HIBCH: variants seen among roughly 807,000 people sequenced by gnomAD.
HIBCH encodes the protein 3-hydroxyisobutyryl-CoA hydrolase, also known as 3-hydroxyisobutyryl-CoA hydrolase, mitochondrial.
In HIBCH, 50 loss-of-function variants were observed where a neutral mutation model predicts 58.2. The ratio of observed to expected loss-of-function variants is 0.86; its 90% CI spans 0.68 to 1.09. The LOEUF (loss-of-function observed/expected upper bound fraction) is 1.09. Ranked by LOEUF, HIBCH falls within the 50% of genes least tolerant of loss-of-function variation. The pLI, the probability that HIBCH is intolerant of heterozygous loss-of-function variation, is 0.00. For synonymous variants in HIBCH, 151 were observed against 146.9 expected (o/e 1.03, Z -0.20); for missense variants, 450 against 449.7 (o/e 1.00, Z -0.01).
At position 190,236,782 on chromosome 2, in the gene HIBCH, T is replaced by C. The variant is rs1686287877; in HGVS notation, c.891+8105A>G. On this transcript the variant is annotated intron_variant, in intron 11 of 13. Coordinates refer to ENST00000359678, the MANE Select transcript of HIBCH (RefSeq NM_014362.4). This position sits in a 1 kb window ranked among gnomAD's most constrained non-coding sequence, Gnocchi z 4.1. ...GGTAATTTCTTAAAGGCATTAACAA[T>C]TTATATAAAATGAAAAGATACTATC... 6.6e-6 allele frequency among the ~76,000 whole-genome samples: 1 copy of C among 152,184 alleles called. No homozygotes were observed. The highest frequency in any genetic ancestry group is 2.4e-5 in the African/African-American group (1 of 41,458).
intron 6 of HIBCH, among the ~76,000 whole-genome samples, chr2:190,268,526 T>C (rs1216496957): frequency 6.6e-6 from 1 of 152,234 alleles, no homozygotes; most frequent in Non-Finnish European, 1.5e-5. Context: ...AAGACTTTAC[T>C]TTTTAATTAA....
rs1688057773 is a variant in HIBCH at position 190,294,635 on chromosome 2, T to A, written c.220-5A>T. 6.3e-7 allele frequency: 1 copy of A among 1,596,464 alleles called. No individual in the cohort carries two copies. On this transcript the variant is annotated splice_region_variant and splice_polypyrimidine_tract_variant and intron_variant, in intron 3 of 13. Coordinates refer to ENST00000359678, the MANE Select transcript of HIBCH (RefSeq NM_014362.4). The stretch of plus-strand genomic sequence containing the variant: ...TTCAGGATCTTGTTCCCACTTCTAT[T>A]CAAATGTAACAGAAGATGGTATAAG...
At chr2:190,274,684 C>A (rs1283037975) in intron 6 of HIBCH, among the ~76,000 whole-genome samples, 1 of 152,196 alleles carries the variant, frequency 6.6e-6, no homozygotes, top group Non-Finnish European at 1.5e-5. Context: ...AGAAGATTAT[C>A]CAGGGAGAAA....
chr2:190,249,349 C>A (rs1414727473), intron 9 of HIBCH, among the ~76,000 whole-genome samples: 1 of 152,082 alleles, frequency 6.6e-6, no homozygotes, highest in Non-Finnish European at 1.5e-5. Context: ...TAACATTGAA[C>A]ACCGTTTACA....
downstream of HIBCH, chr2:190,200,276 A>G: frequency 1.3e-6 from 1 of 741,378 alleles, no homozygotes. Context: ...TAATGTCACT[A>G]TTATAAGAAC....
intron 6 of HIBCH, among the ~76,000 whole-genome samples, chr2:190,266,945 T>C (rs1240226667): frequency 1.3e-5 from 2 of 151,144 alleles, no homozygotes; most frequent in Non-Finnish European, 2.9e-5. Flanking sequence ...TTAGTAGAGA[T>C]GGGGTTTCAC....
rs375805141 is a variant in HIBCH at position 190,309,354 on chromosome 2, TACC to T, written c.78+1397_78+1399del. 2.7e-4 allele frequency among the ~76,000 whole-genome samples: 41 copies of T among 152,290 alleles called. No individual in the cohort carries two copies. The East Asian group carries it at 6.9e-3, about 26-fold the overall frequency. ...GCTAACCCATGACAAGTACTTACAATACCACCTAGAATACAGTGATATCAGATG... is the reference window on the plus strand; with the variant it reads ...GCTAACCCATGACAAGTACTTACAATACCTAGAATACAGTGATATCAGATG... On this transcript the variant is annotated intron_variant, in intron 2 of 13. Transcript: ENST00000359678.
Position 190,296,929 on chromosome 2 carries a change from C to T in HIBCH, c.103G>A (p.Ala35Thr). The T allele has an allele frequency of 6.2e-7, 1 of 1,614,090 alleles. No individual in the cohort carries two copies. Among genetic ancestry groups the T allele is most frequent in the East Asian group, 2.2e-5 (1 of 44,876 alleles). Residue 35 changes from alanine to threonine, a missense_variant, in exon 3 of 14, where the codon GCA (alanine) becomes ACA (threonine). By Grantham distance (58) the Ala-to-Thr change is moderately conservative (BLOSUM62 0). Transcript: ENST00000359678. The part of the protein sequence containing the change: ...HLRMSKHTDA[A>T]EEVLLEKKGC... ...TTTTTTTCCAATAGCACCTCTTCTGCTGCATCTGTGTGCTTGGACATTCTC... is the reference window on the plus strand; with the variant it reads ...TTTTTTTCCAATAGCACCTCTTCTGTTGCATCTGTGTGCTTGGACATTCTC...
At chr2:190,218,561 A>G (rs1685625137) in intron 11 of HIBCH, among the ~76,000 whole-genome samples, 1 of 152,170 alleles carries the variant, frequency 6.6e-6, no homozygotes, top group African/African-American at 2.4e-5. Flanking sequence ...ATGACCCTTA[A>G]GACACTAACT....
At chr2:190,257,952 A>G (rs948200884) in intron 7 of HIBCH, among the ~76,000 whole-genome samples, 1 of 152,218 alleles carries the variant, frequency 6.6e-6, no homozygotes, top group Admixed American at 6.5e-5. Context: ...CAAAAAAGCA[A>G]TTATGAACAA....
Position 190,213,035 on chromosome 2 carries a change from A to G in HIBCH, c.932T>C (p.Leu311Pro). The G allele has an allele frequency of 6.2e-7, 1 of 1,609,872 alleles. No homozygotes were observed. Among genetic ancestry groups the G allele is most frequent in the Non-Finnish European group, 8.5e-7 (1 of 1,176,312 alleles). ...TGAAGACCCCTCCATGAGTTGCCTT[A>G]GTGTGATCTTTAGAGATGTTGGAGA... is the stretch of plus-strand genomic sequence containing the variant. The part of the protein sequence containing the change: ...KMSPTSLKIT[L>P]RQLMEGSSKT... The change falls in exon 12 of 14, where the codon CTA becomes CCA. Residue 311 changes from leucine (L) to proline (P), a missense_variant. By Grantham distance (98) the Leu-to-Pro change is moderately conservative. Coordinates refer to ENST00000359678, the MANE Select transcript of HIBCH (RefSeq NM_014362.4).
At position 190,216,822 on chromosome 2, in the gene HIBCH, T is replaced by C. The variant is rs2105905501; in HGVS notation, c.892-3747A>G. Among the ~76,000 whole-genome samples the C allele has an allele frequency of 6.6e-6, 1 of 152,194 alleles. No homozygotes were observed. The highest frequency in any genetic ancestry group is 6.5e-5 in the Admixed American group (1 of 15,296). ...AAAGTTCTGTTTCCCAGAGCTTGGC[T>C]GGGCTGGGGGAGGATCCCTGCAGCT... On this transcript the variant is annotated intron_variant, in intron 11 of 13. Transcript: ENST00000359678. The surrounding 1 kb of genome is among the most constrained non-coding windows in gnomAD (Gnocchi z 4.2).
At chr2:190,245,223 A>T in intron 10 of HIBCH, 1 of 404,660 alleles carries the variant, frequency 2.5e-6, no homozygotes, top group East Asian at 5.1e-5. Context: ...GTAAAGAAAC[A>T]ATTCAACAAT....
intron 4 of HIBCH, among the ~76,000 whole-genome samples, chr2:190,292,324 G>A (rs1175578140): frequency 6.6e-6 from 1 of 150,952 alleles, no homozygotes; most frequent in Non-Finnish European, 1.5e-5. Flanking sequence ...GTTTGTTTTT[G>A]AAACGGAGTC....
chr2:190,209,279 T>A lies in HIBCH; in HGVS notation c.1012-366A>T, dbSNP rs1454706537. On this transcript the variant is annotated intron_variant, in intron 12 of 13. Coordinates refer to ENST00000359678, the MANE Select transcript of HIBCH (RefSeq NM_014362.4). This position sits in a 1 kb window ranked among gnomAD's most constrained non-coding sequence, Gnocchi z 5.6. ...TCAAACCTTTTTTCCTTTTTTACAA[T>A]CCTAGCAAAATCCTGGCACCAACTA... Among the ~76,000 whole-genome samples the A allele has an allele frequency of 6.6e-6, 1 of 152,128 alleles. No homozygotes were observed. Among genetic ancestry groups the A allele is most frequent in the South Asian group, 2.1e-4 (1 of 4,822 alleles).
chr2:190,219,194 T>C (rs1205661565), intron 11 of HIBCH, among the ~76,000 whole-genome samples: 4 of 152,152 alleles, frequency 2.6e-5, no homozygotes, highest in African/African-American at 4.8e-5. Context: ...CTAACACTTA[T>C]ATTAACTCAA....
intron 11 of HIBCH, chr2:190,213,956 A>G (rs979642057): frequency 7.9e-5 from 12 of 152,186 alleles, no homozygotes; most frequent in Non-Finnish European, 1.3e-4. Flanking sequence ...CGCTTTTGCT[A>G]CTGTCCGGGT....
rs567788161 is a variant in HIBCH, at chr2:190,274,898, T to TA, written c.438+12687dup. On this transcript the variant is annotated intron_variant, in intron 6 of 13. Transcript: ENST00000359678. ...CCAGAAAGGGAGACACTCTTACAAATAGAGATTTCCTTTCTAGGTACACAT... is the reference window on the plus strand; with the variant it reads ...CCAGAAAGGGAGACACTCTTACAAATAAGAGATTTCCTTTCTAGGTACACAT... Among the ~76,000 whole-genome samples, 568 of 152,344 alleles carry TA rather than the reference T, an allele frequency of 3.7e-3. 2 individuals are homozygous for TA. Among genetic ancestry groups the TA allele is most frequent in the Non-Finnish European group, 6.7e-3 (456 of 68,028 alleles).
intron 11 of HIBCH, among the ~76,000 whole-genome samples, chr2:190,220,640 G>C (rs544263908): frequency 1.3e-5 from 2 of 151,696 alleles, no homozygotes; most frequent in African/African-American, 4.8e-5. Flanking sequence ...CTGGTTACAG[G>C]GCATCCAAGG....
Sources: gnomAD v4.1 joint callset for allele counts (sites outside exome capture counted in the v4.1 genomes callset) on GRCh38, gnomAD v4.1.1 for gene constraint, Gnocchi (gnomAD v3.1) non-coding constraint, MANE v1.5 for transcripts, NCBI Gene and HGNC (gene_info 2026-07-23, HGNC 2026-07-21) for gene names.